Variants in RXFP1 observed in about 807,000 individuals in gnomAD.
RXFP1 encodes relaxin family peptide receptor 1, also known as relaxin receptor 1.
Under a neutral mutation model 89.8 loss-of-function variants are expected in RXFP1, and 73 were observed. That is an observed-to-expected ratio of 0.81 (90% CI 0.67 to 0.99). RXFP1 has a LOEUF of 0.99. Among genes scored for constraint, RXFP1 ranks in the 50% least tolerant of loss-of-function variants. The pLI is 0.00. For missense variants in RXFP1, 793 were observed against 895.5 expected, an observed-to-expected ratio of 0.89 and a Z score of 1.46; for synonymous variants, 277 against 305.5, an observed-to-expected ratio of 0.91 and a Z score of 0.97.
intron 4 of RXFP1, among the ~76,000 whole-genome samples, chr4:158,604,830 C>A (rs1361121358): frequency 6.6e-6 from 1 of 151,946 alleles, no homozygotes; most frequent in African/African-American, 2.4e-5. Flanking sequence ...TATTTTTTAA[C>A]ATTTTTTGTC....
chr4:158,595,732 C>T (rs1760425562), intron 3 of RXFP1, among the ~76,000 whole-genome samples: 1 of 151,710 alleles, frequency 6.6e-6, no homozygotes, highest in Non-Finnish European at 1.5e-5. Flanking sequence ...AATCAAATAC[C>T]ACTAACAATC....
intron 8 of RXFP1, 139 bp from the exon 9 acceptor site, chr4:158,616,988 CAAAA>C (rs11321888): frequency 2.5e-4 from 111 of 443,072 alleles, no homozygotes; most frequent in Middle Eastern, 1.0e-3. Flanking sequence ...GCCTCCATCT[CAAAA>C]AAAAAAAAAA....
At chr4:158,553,547 G>A (rs574210738) in intron 1 of RXFP1, among the ~76,000 whole-genome samples, 53 of 152,264 alleles carry the variant, frequency 3.5e-4, no homozygotes, top group Middle Eastern at 3.4e-3. Context: ...AGGGTGACCC[G>A]TGGAGAGATG....
intron 1 of RXFP1, among the ~76,000 whole-genome samples, chr4:158,566,387 G>GAC (rs79029874): frequency 0.96 from 145,964 of 152,114 alleles, 70,276 homozygotes; most frequent in East Asian, 1. Context: ...TTTTTTTTGA[G>GAC]AGTTTCGCTC....
chr4:158,642,420 C>A (rs892998628), intron 14 of RXFP1, among the ~76,000 whole-genome samples: 9 of 152,106 alleles, frequency 5.9e-5, no homozygotes, highest in Non-Finnish European at 2.9e-5. Context: ...ACTTTGAATT[C>A]TTTAATAAGT....
rs375996702 is a variant in RXFP1 at position 158,564,706 on chromosome 4, G to A, written c.50-7992G>A. ...CAGATGGATAGCTGGGTTACACAAC[G>A]AGAGCATGTTTACTTGCTCTTCTAG... is the stretch of plus-strand genomic sequence containing the variant. On this transcript the variant is annotated intron_variant, in intron 1 of 17. Transcript: ENST00000307765. 7.9e-5 allele frequency among the ~76,000 whole-genome samples: 12 copies of A among 152,256 alleles called. 1 individual carries two copies. Among genetic ancestry groups the A allele is most frequent in the Admixed American group, 5.2e-4 (8 of 15,300 alleles).
At chr4:158,538,566 CACTTTAGGAAGCCAA>C (rs545941911) in intron 1 of RXFP1, among the ~76,000 whole-genome samples, 46 of 152,252 alleles carry the variant, frequency 3.0e-4, no homozygotes, top group African/African-American at 1.1e-3. Flanking sequence ...GTAATCCCAA[CACTTTAGGAAGCCAA>C]GGCGGGCAGA....
intron 4 of RXFP1, 91 bp from the exon 5 acceptor site, chr4:158,604,977 C>A: frequency 1.5e-6 from 1 of 652,130 alleles, no homozygotes; most frequent in Non-Finnish European, 2.6e-6. Context: ...AAAGCTAGTA[C>A]TAAAGTAAAT....
At chr4:158,580,547 A>G (rs1757143141) in intron 2 of RXFP1, among the ~76,000 whole-genome samples, 1 of 152,150 alleles carries the variant, frequency 6.6e-6, no homozygotes, top group African/African-American at 2.4e-5. Flanking sequence ...CACCTTTACC[A>G]TGTAGCAAAA....
intron 4 of RXFP1, among the ~76,000 whole-genome samples, chr4:158,601,775 A>G (rs1331864009): frequency 6.6e-6 from 1 of 152,236 alleles, no homozygotes; most frequent in African/African-American, 2.4e-5. Context: ...CTAATACTCC[A>G]AGTAATGTTT....
In RXFP1 at chr4:158,612,376, T is replaced by C; in HGVS notation, c.680+14T>C. ...TCTTATTCTCTTGTAAGTACTAAAC[T>C]AAAGCAAATATTTCAATCAAAGGCA... On this transcript the variant is annotated intron_variant, in intron 8 of 17. Transcript: ENST00000307765. 6.6e-7 allele frequency: 1 copy of C among 1,526,570 alleles called. No individual in the cohort carries two copies. The highest frequency in any genetic ancestry group is 9.0e-7 in the Non-Finnish European group (1 of 1,112,182). 94.6% of individuals were successfully genotyped at this position (1,526,570 alleles called of 1,614,324 possible).
intron 11 of RXFP1, 56 bp downstream of exon 11, chr4:158,628,765 CT>C (rs1179288861): frequency 1.1e-6 from 1 of 910,976 alleles, no homozygotes; most frequent in Non-Finnish European, 1.7e-6. Flanking sequence ...TTTTTTCACA[CT>C]TGTACTTACA....
At chr4:158,568,800 T>G (rs1312646036) in intron 1 of RXFP1, among the ~76,000 whole-genome samples, 1 of 152,238 alleles carries the variant, frequency 6.6e-6, no homozygotes, top group Non-Finnish European at 1.5e-5. Context: ...AGAATGTTAA[T>G]TGCCCTGTTA....
In RXFP1 at chr4:158,623,597, G is replaced by A. The variant is rs151069556; in HGVS notation, c.756-3223G>A. On this transcript the variant is annotated intron_variant, in intron 9 of 17. Transcript: ENST00000307765. Reference sequence around the variant, plus strand: ...AATAAATAAATAACATAATTAGTAAGTTAATGCTAATCAGTGTATATCAAA... The same window carrying A: ...AATAAATAAATAACATAATTAGTAAATTAATGCTAATCAGTGTATATCAAA... 2.6e-3 allele frequency among the ~76,000 whole-genome samples: 392 copies of A among 150,382 alleles called. 3 individuals are homozygous for A. The highest frequency in any genetic ancestry group is 9.0e-3 in the African/African-American group (370 of 41,110).
intron 14 of RXFP1, 54 bp from the exon 15 acceptor site, chr4:158,644,855 T>C (rs557390142): frequency 3.9e-5 from 46 of 1,169,546 alleles, no homozygotes; most frequent in Non-Finnish European, 5.8e-5. Flanking sequence ...TATGAATGTA[T>C]GGTGACACTG....
chr4:158,619,231 T>C (rs1765152174), intron 9 of RXFP1, among the ~76,000 whole-genome samples: 1 of 152,214 alleles, frequency 6.6e-6, no homozygotes, highest in Non-Finnish European at 1.5e-5. Flanking sequence ...TTTCCATTCC[T>C]ATAATACTGA....
At chr4:158,626,427 A>C (rs1186657915) in intron 9 of RXFP1, among the ~76,000 whole-genome samples, 2 of 152,130 alleles carry the variant, frequency 1.3e-5, no homozygotes, top group African/African-American at 4.8e-5. Flanking sequence ...TAGCAAAATA[A>C]AATCACACCA....
chr4:158,633,746 G>A (rs1006434212), intron 12 of RXFP1, among the ~76,000 whole-genome samples: 1 of 152,106 alleles, frequency 6.6e-6, no homozygotes, highest in African/African-American at 2.4e-5. Context: ...GTGTGAATTT[G>A]ACTACTCCAG....
intron 1 of RXFP1, among the ~76,000 whole-genome samples, chr4:158,551,410 C>A (rs6536352): frequency 1 from 151,948 of 152,322 alleles, 75,789 homozygotes; most frequent in Middle Eastern, 1. Flanking sequence ...ATTAAAAAAT[C>A]AGTTCCAGAG....
Sources: allele counts gnomAD v4.1 joint callset (sites outside exome capture counted in the v4.1 genomes callset), GRCh38; gene constraint gnomAD v4.1.1; transcripts MANE v1.5; gene names NCBI Gene and HGNC (gene_info 2026-07-23, HGNC 2026-07-21).